Variants in APBB1IP observed in about 807,000 individuals in gnomAD.
APBB1IP encodes amyloid beta A4 precursor protein-binding family B member 1-interacting protein.
In APBB1IP, 27 loss-of-function variants were observed where a neutral mutation model predicts 64.9. The observed-to-expected ratio is 0.42, with a 90% CI of 0.31 to 0.57. APBB1IP has a LOEUF of 0.57. APBB1IP is among the 20% of genes least tolerant of loss of function. APBB1IP has a pLI of 0.20. For missense variants in APBB1IP, 812 were observed against 845.5 expected (o/e 0.96, Z 0.49); for synonymous variants, 392 against 331.0 (o/e 1.18, Z -2.00).
At chr10:26,492,486 T>A in intron 3 of APBB1IP, 88 bp downstream of exon 3, 3 of 1,254,142 alleles carry the variant, frequency 2.4e-6, no homozygotes, top group Non-Finnish European at 3.4e-6. Flanking sequence ...CTGTCTTTTT[T>A]AAAACCCTGA....
At chr10:26,483,553 AGAAGCAATT>A in intron 2 of APBB1IP, among the ~76,000 whole-genome samples, 1 of 152,202 alleles carries the variant, frequency 6.6e-6, no homozygotes, top group Non-Finnish European at 1.5e-5. Flanking sequence ...AGCCATGCAC[AGAAGCAATT>A]GAGTGAGGAG....
rs1835965559 is a variant in APBB1IP at position 26,492,347 on chromosome 10, C to T, written c.21C>T (p.Asp7=). The part of the protein sequence containing the change: MGESSE[D]IDQMFSTLLG... ...TTCAGATGGGTGAGTCAAGTGAAGACATAGACCAAATGTTCAGCACTTTGC... is the reference window on the plus strand; with the variant it reads ...TTCAGATGGGTGAGTCAAGTGAAGATATAGACCAAATGTTCAGCACTTTGC... Residue 7 remains aspartate (D), a synonymous_variant, in exon 3 of 15, where the codon GAC becomes GAT. Transcript: ENST00000376236. 1.2e-6 allele frequency: 2 copies of T among 1,613,910 alleles called. No individual in the cohort carries two copies. Among genetic ancestry groups the T allele is most frequent in the Admixed American group, 1.7e-5 (1 of 59,984 alleles).
intron 4 of APBB1IP, among the ~76,000 whole-genome samples, chr10:26,496,709 T>C (rs1266529824): frequency 6.6e-6 from 1 of 151,896 alleles, no homozygotes; most frequent in Non-Finnish European, 1.5e-5. Context: ...ACAAAAATAT[T>C]AGTAAGGAAA....
intron 2 of APBB1IP, among the ~76,000 whole-genome samples, chr10:26,482,664 C>T (rs997943049): frequency 6.6e-6 from 1 of 151,980 alleles, no homozygotes; most frequent in African/African-American, 2.4e-5. Context: ...AAAAATGTTG[C>T]CAGATGGTTT....
intron 2 of APBB1IP, among the ~76,000 whole-genome samples, chr10:26,488,785 T>G (rs569056884): frequency 1.9e-4 from 29 of 152,364 alleles, no homozygotes; most frequent in African/African-American, 6.5e-4. Context: ...TGACTTTCCC[T>G]GCACACATAG....
At position 26,513,666 on chromosome 10, in the gene APBB1IP, A is replaced by T; in HGVS notation, c.813+6A>T. 3 of 1,605,254 alleles carry T rather than the reference A, an allele frequency of 1.9e-6. No homozygotes were observed. The South Asian group carries it at 3.4e-5, about 18-fold the overall frequency. ...CTGTATTTAAAAACCCCCAGGTAAGATGATCTGCATATTGTTAAACCCTAT... is the reference window on the plus strand; with the variant it reads ...CTGTATTTAAAAACCCCCAGGTAAGTTGATCTGCATATTGTTAAACCCTAT... On this transcript the variant is annotated splice_donor_region_variant and intron_variant, in intron 8 of 14. Transcript: ENST00000376236.
intron 2 of APBB1IP, among the ~76,000 whole-genome samples, chr10:26,478,078 T>C (rs1835795618): frequency 6.6e-6 from 1 of 152,214 alleles, no homozygotes; most frequent in Admixed American, 6.5e-5. Context: ...TACACCGTAG[T>C]TGATGAGCGG....
intron 11 of APBB1IP, among the ~76,000 whole-genome samples, chr10:26,544,447 C>T (rs529391321): frequency 3.0e-4 from 46 of 152,112 alleles, no homozygotes; most frequent in South Asian, 8.3e-4. Context: ...AAGGATGGAG[C>T]CTAGGAATCT....
Position 26,567,389 on chromosome 10 carries a change from A to G in APBB1IP, c.1902A>G (p.Gln634=). The G allele has an allele frequency of 1.9e-6, 3 of 1,588,776 alleles. No homozygotes were observed. The highest frequency in any genetic ancestry group is 3.4e-5 in the Admixed American group (2 of 58,562). ...AKRPPVPPKR[Q]ENPGHPGGAG... is the part of the protein sequence containing the mutation. The stretch of plus-strand genomic sequence containing the variant: ...GGCCTCCTGTGCCCCCCAAGAGGCA[A>G]GAGAACCCAGGGCACCCCGGCGGAG... Residue 634 remains glutamine, a synonymous_variant, in exon 15 of 15, where the codon CAA becomes CAG. Coordinates refer to ENST00000376236, the MANE Select transcript of APBB1IP (RefSeq NM_019043.4).
chr10:26,525,499 A>G (rs551383668), intron 8 of APBB1IP, among the ~76,000 whole-genome samples: 2 of 152,246 alleles, frequency 1.3e-5, no homozygotes, highest in East Asian at 1.9e-4. Flanking sequence ...TTTCTCCCCT[A>G]CAGAGACTCT....
chr10:26,501,162 C>T, intron 5 of APBB1IP, 51 bp downstream of exon 5: 1 of 1,608,002 alleles, frequency 6.2e-7, no homozygotes, highest in Non-Finnish European at 8.5e-7. Flanking sequence ...TGCTACCTAT[C>T]ACTGATGTTC....
chr10:26,539,431 AAGAG>A (rs914250372), intron 10 of APBB1IP, among the ~76,000 whole-genome samples: 9 of 151,492 alleles, frequency 5.9e-5, no homozygotes, highest in African/African-American at 1.7e-4. Flanking sequence ...GAAGGAAAGA[AAGAG>A]AGAGAGTGAA....
intron 2 of APBB1IP, among the ~76,000 whole-genome samples, chr10:26,466,805 G>A (rs1327307862): frequency 6.6e-6 from 1 of 151,764 alleles, no homozygotes; most frequent in Admixed American, 6.6e-5. Flanking sequence ...GCATGGTGGC[G>A]CATACCTGTA....
At chr10:26,539,534 A>C (rs2132467986) in intron 10 of APBB1IP, among the ~76,000 whole-genome samples, 1 of 152,282 alleles carries the variant, frequency 6.6e-6, no homozygotes. Context: ...ATATAGGTTA[A>C]TGTTTTTATA....
At chr10:26,451,298 A>C (rs1476261429) in intron 2 of APBB1IP, among the ~76,000 whole-genome samples, 4 of 152,204 alleles carry the variant, frequency 2.6e-5, no homozygotes, top group African/African-American at 4.8e-5. Flanking sequence ...TATGTTGCCC[A>C]GGCTGGTCTC....
In APBB1IP at chr10:26,510,732, TCTCACACACACA is replaced by T. The variant is rs535023872; in HGVS notation, c.532-1013_532-1002del. On this transcript the variant is annotated intron_variant, in intron 6 of 14. Transcript: ENST00000376236. ...GCCTAGGCAACAGAGCAAGACCCTG[TCTCACACACACA>T]CACACACACACACACACACACACAC... Among the ~76,000 whole-genome samples the T allele has an allele frequency of 2.1e-3, 233 of 109,362 alleles. 2 individuals are homozygous for T. In the South Asian group the frequency reaches 0.057, roughly 27 times the overall value. 71.7% of individuals were successfully genotyped at this position (109,362 alleles called of 152,430 possible).
At chr10:26,448,550 A>C (rs562954733) in intron 2 of APBB1IP, among the ~76,000 whole-genome samples, 2 of 152,358 alleles carry the variant, frequency 1.3e-5, no homozygotes, top group Admixed American at 6.5e-5. Context: ...TGCAACTGAA[A>C]GGAGGATATT....
At chr10:26,547,392 C>T (rs1204481101) in intron 11 of APBB1IP, among the ~76,000 whole-genome samples, 1 of 151,914 alleles carries the variant, frequency 6.6e-6, no homozygotes, top group Non-Finnish European at 1.5e-5. Context: ...TAGGCAGATT[C>T]ACCGTTTTGG....
chr10:26,553,985 C>T (rs1368025945), intron 11 of APBB1IP, among the ~76,000 whole-genome samples: 1 of 152,180 alleles, frequency 6.6e-6, no homozygotes, highest in East Asian at 1.9e-4. Context: ...CCCGTGCTCT[C>T]GCTGAGATCA....
Sources: allele counts gnomAD v4.1 joint callset (sites outside exome capture counted in the v4.1 genomes callset), GRCh38; gene constraint gnomAD v4.1.1; transcripts MANE v1.5; gene names NCBI Gene and HGNC (gene_info 2026-07-23, HGNC 2026-07-21).